Variants in GBP3 observed in about 807,000 individuals in gnomAD.
GBP3 encodes guanylate binding protein 3.
In GBP3, 55 loss-of-function variants were observed where a neutral mutation model predicts 62.4. The observed-to-expected ratio is 0.88, with a 90% CI of 0.71 to 1.10. The LOEUF (loss-of-function observed/expected upper bound fraction) is 1.10, where lower values mean the gene tolerates loss of function less well. GBP3 is among the 50% of genes least tolerant of loss of function. The pLI is 0.00. For missense variants in GBP3, 605 were observed against 690.6 expected, an observed-to-expected ratio of 0.88 and a Z score of 1.39; for synonymous variants, 208 against 259.2, an observed-to-expected ratio of 0.80 and a Z score of 1.90.
chr1:89,017,009 C>T (rs547135152), intron 2 of GBP3, among the ~76,000 whole-genome samples: 1 of 152,264 alleles, frequency 6.6e-6, no homozygotes, highest in South Asian at 2.1e-4. Flanking sequence ...AAAATATCCA[C>T]ACTAACTTTC....
rs1355352291 is a variant in GBP3 at position 89,013,243 on chromosome 1, G to A, written c.810C>T (p.Tyr270=). 1.2e-6 allele frequency: 2 copies of A among 1,614,058 alleles called. No homozygotes were observed. Among genetic ancestry groups the A allele is most frequent in the African/African-American group, 2.7e-5 (2 of 74,924 alleles). ...TTTTAGTTTTGGAATTGCTAAAGAT[G>A]TAGGAACAGAAGTCTGCTACTTGTT... is the stretch of plus-strand genomic sequence containing the variant. The part of the protein sequence containing the change: ...FVQQVADFCS[Y]IFSNSKTKTL... Residue 270 remains tyrosine (Y), a synonymous_variant, in exon 6 of 11, where the codon TAC becomes TAT. Coordinates refer to ENST00000370481, the MANE Select transcript of GBP3 (RefSeq NM_018284.3).
In GBP3 at chr1:89,007,642, A is replaced by G; in HGVS notation, c.*82T>C. 1 of 1,297,850 alleles carries G rather than the reference A, an allele frequency of 7.7e-7. No homozygotes were observed. Among genetic ancestry groups the G allele is most frequent in the African/African-American group, 1.5e-5 (1 of 67,312 alleles). 80.4% of individuals were successfully genotyped at this position (1,297,850 alleles called of 1,614,324 possible). A position where few individuals can be genotyped will look rare whatever the true frequency, so the allele number is the denominator to read the frequency against. ...TGTTATGATGCAAGATCTAATTATT[A>G]TCAAATATAGTGACACTTGTTCCAA... On this transcript the variant is annotated 3_prime_UTR_variant, in exon 11 of 11. Transcript: ENST00000370481.
chr1:89,021,544 A>ACACACACACACACCCCCC (rs761151308), intron 1 of GBP3, among the ~76,000 whole-genome samples: 3 of 140,948 alleles, frequency 2.1e-5, no homozygotes, highest in East Asian at 2.1e-4. Flanking sequence ...ACACACACAC[A>ACACACACACACACCCCCC]CCCCAAAAAA....
rs181198202 is a variant in GBP3 at position 89,012,832 on chromosome 1, G to A, written c.868+353C>T. The stretch of plus-strand genomic sequence containing the variant: ...TGGGATTTTTCAATGCTGATACTAG[G>A]TGGAGTTATTCTATGCTCCTTTCAT... On this transcript the variant is annotated intron_variant, in intron 6 of 10. Coordinates refer to ENST00000370481, the MANE Select transcript of GBP3 (RefSeq NM_018284.3). Among the ~76,000 whole-genome samples the A allele has an allele frequency of 2.2e-5, 3 of 137,178 alleles. 1 individual carries two copies. The highest frequency in any genetic ancestry group is 7.6e-5 in the Admixed American group (1 of 13,178). 90.0% of individuals were successfully genotyped at this position (137,178 alleles called of 152,430 possible). A position where few individuals can be genotyped will look rare whatever the true frequency, so the allele number is the denominator to read the frequency against.
At chr1:89,020,798 A>G in intron 1 of GBP3, 55 bp from the exon 2 acceptor site, 2 of 1,515,802 alleles carry the variant, frequency 1.3e-6, no homozygotes, top group African/African-American at 2.8e-5. Context: ...CATTTAGAGG[A>G]TAGAGTCACA....
At chr1:89,013,594 C>T in intron 5 of GBP3, 167 bp from the exon 6 acceptor site, 1 of 692,852 alleles carries the variant, frequency 1.4e-6, no homozygotes, top group Non-Finnish European at 2.3e-6. Context: ...ATGGGCATAG[C>T]ATTCTTCCCA....
In GBP3 at chr1:89,010,935, T is replaced by C. The variant is rs767099500; in HGVS notation, c.1331A>G (p.Lys444Arg). The C allele has an allele frequency of 2.7e-6, 4 of 1,461,700 alleles. No individual in the cohort carries two copies. The Admixed American group carries it at 7.2e-5, about 26-fold the overall frequency. The allele number at this position is 1,461,700 out of a possible 1,614,324, so 90.5% of individuals were successfully genotyped here. ...FIQKLQDLEKKYYEEPRKGIQ... is the reference protein window; with the variant it reads ...FIQKLQDLEKRYYEEPRKGIQ... Reference sequence around the variant, plus strand: ...CCCCTTCCTTGGTTCCTCATAGTACTTTTTCTCCAGGTCTTGTAGCTTCTG... The same window carrying C: ...CCCCTTCCTTGGTTCCTCATAGTACCTTTTCTCCAGGTCTTGTAGCTTCTG... The change falls in exon 8 of 11, where the codon AAG becomes AGG. Residue 444 changes from lysine (K) to arginine (R), a missense_variant. This residue lies in a region of GBP3 where 137 missense variants were observed against 224.7 expected (regional missense o/e 0.61). Coordinates refer to ENST00000370481, the MANE Select transcript of GBP3 (RefSeq NM_018284.3).
At chr1:89,021,506 G>GCACA (rs1375981072) in intron 1 of GBP3, among the ~76,000 whole-genome samples, 2 of 58,884 alleles carry the variant, frequency 3.4e-5, no homozygotes, top group Non-Finnish European at 7.1e-5. Context: ...GCATGCGCGC[G>GCACA]CGCGCACACA....
chr1:89,015,506 A>G lies in GBP3; in HGVS notation c.191-92T>C, dbSNP rs527619485. 1.3e-5 allele frequency: 17 copies of G among 1,279,400 alleles called. 1 individual carries two copies. In the South Asian group the frequency reaches 2.6e-4, roughly 19 times the overall value. 79.3% of individuals were successfully genotyped at this position (1,279,400 alleles called of 1,614,324 possible). On this transcript the variant is annotated intron_variant, in intron 2 of 10. Coordinates refer to ENST00000370481, the MANE Select transcript of GBP3 (RefSeq NM_018284.3). ...AAATGTAGCATCATGATTAATGTTA[A>G]GAGAGATAACCAAAACCACAATCAG...
intron 5 of GBP3, 50 bp from the exon 6 acceptor site, chr1:89,013,477 G>C: frequency 6.5e-7 from 1 of 1,543,692 alleles, no homozygotes; most frequent in Non-Finnish European, 8.7e-7. Context: ...TTTCCGTAAA[G>C]CGTCAAATAG....
chr1:89,009,064 C>T lies in GBP3; in HGVS notation c.1542G>A (p.Met514Ile), dbSNP rs1212427562. ...GATAACTCTTCTCTTTCTCTTCCAT[C>T]ATCTGCTGATACTTTATTTGCATTT... ...VEEMQIKYQQ[M>I]MEEKEKSYQE... Residue 514 changes from methionine (M) to isoleucine (I), a missense_variant, in exon 10 of 11, where the codon ATG (methionine) becomes ATA (isoleucine). This residue lies in a region of GBP3 where 160 missense variants were observed against 147.8 expected (regional missense o/e 1.08). Coordinates refer to ENST00000370481, the MANE Select transcript of GBP3 (RefSeq NM_018284.3). 2 of 1,614,036 alleles carry T rather than the reference C, an allele frequency of 1.2e-6. No homozygotes were observed. The highest frequency in any genetic ancestry group is 2.7e-5 in the African/African-American group (2 of 74,928).
intron 6 of GBP3, 132 bp downstream of exon 6, chr1:89,013,053 G>C: frequency 1.0e-6 from 1 of 957,512 alleles, no homozygotes; most frequent in South Asian, 1.6e-5. Context: ...GGCTAGGTTG[G>C]TCTCAAACTC....
rs150429744 is a variant in GBP3, at chr1:89,014,599, G to A, written c.376C>T (p.Leu126Phe). The A allele has an allele frequency of 1.8e-3, 2,842 of 1,614,040 alleles. 6 individuals carry two copies. Among genetic ancestry groups the A allele is most frequent in the South Asian group, 2.2e-3 (198 of 91,076 alleles). The change falls in exon 4 of 11, where the codon CTC (leucine) becomes TTC (phenylalanine). Residue 126 changes from leucine to phenylalanine, a missense_variant. Physicochemically the swap from Leu to Phe is conservative, Grantham distance 22. Transcript: ENST00000370481. ...ATGGTTCCCATGCTATTGTACACGA[G>A]AGTGCTGCTCAGGAGGACGGCCAGG... ...FTLAVLLSST[L>F]VYNSMGTINQ...
At chr1:89,010,800 T>C in intron 8 of GBP3, 104 bp downstream of exon 8, 1 of 1,344,082 alleles carries the variant, frequency 7.4e-7, no homozygotes, top group Non-Finnish European at 1.1e-6. Flanking sequence ...ATGAATGTTA[T>C]ACAGACAAAA....
intron 2 of GBP3, chr1:89,020,306 G>GT: frequency 1.7e-6 from 1 of 597,730 alleles, no homozygotes; most frequent in Non-Finnish European, 3.0e-6. Context: ...AGAACAAGGA[G>GT]TTCAACTGTA....
At chr1:89,007,967 C>T in intron 10 of GBP3, 115 bp from the exon 11 acceptor site, 1 of 922,730 alleles carries the variant, frequency 1.1e-6, no homozygotes, top group Non-Finnish European at 1.6e-6. Flanking sequence ...TTGAAATTTT[C>T]TCTACCCTTG....
At chr1:89,015,212 T>G in intron 3 of GBP3, 75 bp downstream of exon 3, 1 of 1,419,360 alleles carries the variant, frequency 7.0e-7, no homozygotes. Context: ...AACTCTTCTT[T>G]AAGAAAAAAC....
chr1:89,015,297 T>C lies in GBP3; in HGVS notation c.308A>G (p.Asp103Gly), dbSNP rs1335901718. The C allele has an allele frequency of 1.2e-6, 2 of 1,605,826 alleles. No homozygotes were observed. Among genetic ancestry groups the C allele is most frequent in the Non-Finnish European group, 1.7e-6 (2 of 1,177,118 alleles). ...LVLLDTEGLG[D>G]VKKGDNQNDS... ...ATCTTTGACCCTTACCTTCTTTACA[T>C]CTCCCAGGCCCTCAGTGTCAAGCAG... is the stretch of plus-strand genomic sequence containing the variant. Residue 103 changes from aspartate to glycine, a missense_variant, in exon 3 of 11, where the codon GAT becomes GGT. By Grantham distance (94) the Asp-to-Gly change is moderately conservative. Around this residue, in one of 3 missense-constraint regions of GBP3, gnomAD observed 308 missense variants for 318.0 expected, o/e 0.97. Coordinates refer to ENST00000370481, the MANE Select transcript of GBP3 (RefSeq NM_018284.3).
Position 89,010,988 on chromosome 1 carries a change from C to A in GBP3, c.1278G>T (p.Ser426=), listed in dbSNP as rs753765874. 6.8e-7 allele frequency: 1 copy of A among 1,461,598 alleles called. No individual in the cohort carries two copies. Among genetic ancestry groups the A allele is most frequent in the South Asian group, 1.2e-5 (1 of 84,682 alleles). 90.5% of individuals were successfully genotyped at this position (1,461,598 alleles called of 1,614,324 possible). A position where few individuals can be genotyped will look rare whatever the true frequency, so the allele number is the denominator to read the frequency against. The stretch of plus-strand genomic sequence containing the variant: ...TAAAGAGACAATAGCCCCCTGGTTT[C>A]GAATAAATTCCCGCCTTCACTTCTT... ...LEEEVKAGIY[S]KPGGYCLFIQ... The change falls in exon 8 of 11, where the codon TCG becomes TCT. Residue 426 remains serine, a synonymous_variant. Transcript: ENST00000370481.
Sources: allele counts gnomAD v4.1 joint callset (sites outside exome capture counted in the v4.1 genomes callset), GRCh38; gene constraint gnomAD v4.1.1; regional missense constraint gnomAD v4.1.1; transcripts MANE v1.5; gene names NCBI Gene and HGNC (gene_info 2026-07-23, HGNC 2026-07-21).